COL11A1: variants seen among roughly 807,000 people sequenced by gnomAD.
The protein encoded by COL11A1 is collagen type XI alpha 1 chain.
Under a neutral mutation model 265.2 loss-of-function variants are expected in COL11A1, and 74 were observed. The ratio of observed to expected loss-of-function variants is 0.28; its 90% CI spans 0.23 to 0.34. The LOEUF (loss-of-function observed/expected upper bound fraction) is 0.34, where lower values mean the gene tolerates loss of function less well. COL11A1 is among the 10% of genes least tolerant of loss of function. COL11A1 has a pLI of 1.00. For missense variants in COL11A1, 2,165 were observed against 2,263.6 expected (o/e 0.96, Z 0.88); for synonymous variants, 816 against 727.6 (o/e 1.12, Z -1.96).
rs1479769802 is a variant in COL11A1 at position 102,982,324 on chromosome 1, T to C, written c.2556+1814A>G. ...CGGGATTTTAAATAAATTCATAAAATAAAATTCTACTCATTCATGTAATAT... is the reference window on the plus strand; with the variant it reads ...CGGGATTTTAAATAAATTCATAAAACAAAATTCTACTCATTCATGTAATAT... On this transcript the variant is annotated intron_variant, in intron 31 of 66. Transcript: ENST00000370096. Among the ~76,000 whole-genome samples the C allele has an allele frequency of 3.3e-5, 5 of 151,984 alleles. No individual in the cohort carries two copies. In the East Asian group the frequency reaches 7.7e-4, roughly 23 times the overall value.
chr1:103,079,952 T>C (rs61817085), intron 2 of COL11A1, among the ~76,000 whole-genome samples: 23,111 of 151,896 alleles, frequency 0.15, 1,885 homozygotes, highest in Non-Finnish European at 0.16. Flanking sequence ...GCAATTCTAC[T>C]TCTAAGAATG....
At chr1:102,906,855 T>A (rs566452848) in intron 54 of COL11A1, among the ~76,000 whole-genome samples, 1 of 152,118 alleles carries the variant, frequency 6.6e-6, no homozygotes, top group Non-Finnish European at 1.5e-5. Context: ...TCAGAACAAA[T>A]CATAGTTTTG....
chr1:103,047,326 C>G (rs899689002), intron 4 of COL11A1, among the ~76,000 whole-genome samples: 3 of 152,066 alleles, frequency 2.0e-5, no homozygotes, highest in African/African-American at 7.2e-5. Context: ...CCTTCACATC[C>G]CTTGTAAGTT....
chr1:102,905,235 A>T (rs1570684688), intron 54 of COL11A1, among the ~76,000 whole-genome samples: 1 of 82,578 alleles, frequency 1.2e-5, no homozygotes, highest in South Asian at 5.3e-4. Flanking sequence ...GGGTGGGGGG[A>T]GGGGGGAGGG....
intron 6 of COL11A1, 37 bp from the exon 7 acceptor site, chr1:103,025,650 A>G (rs1247576157): frequency 3.2e-6 from 5 of 1,585,056 alleles, no homozygotes; most frequent in Non-Finnish European, 4.3e-6. Flanking sequence ...GTAAACATGT[A>G]AGGTGATCCC....
intron 58 of COL11A1, 58 bp from the exon 59 acceptor site, chr1:102,889,620 T>G: frequency 8.0e-7 from 1 of 1,255,602 alleles, no homozygotes; most frequent in Non-Finnish European, 1.2e-6. Context: ...CATAAAATTT[T>G]AGTTATAAAA....
chr1:102,951,694 C>T (rs1659898673), intron 41 of COL11A1, among the ~76,000 whole-genome samples: 2 of 151,930 alleles, frequency 1.3e-5, no homozygotes, highest in African/African-American at 4.8e-5. Flanking sequence ...GAGCCGATAT[C>T]GCGCCACTGC....
At chr1:102,989,166 A>G (rs2101747838) in intron 29 of COL11A1, among the ~76,000 whole-genome samples, 1 of 152,148 alleles carries the variant, frequency 6.6e-6, no homozygotes, top group African/African-American at 2.4e-5. Flanking sequence ...TATGAACAAA[A>G]TTTAGAGCAA....
chr1:102,937,944 T>C (rs1658320306), intron 44 of COL11A1, among the ~76,000 whole-genome samples: 1 of 152,250 alleles, frequency 6.6e-6, no homozygotes, highest in Non-Finnish European at 1.5e-5. Context: ...CAATTTCTTG[T>C]CATAATTTTA....
chr1:103,105,631 A>G (rs544072327), intron 1 of COL11A1, among the ~76,000 whole-genome samples: 6 of 152,236 alleles, frequency 3.9e-5, no homozygotes, highest in African/African-American at 1.2e-4. Flanking sequence ...CTGTACCTCA[A>G]TGAAATCAAT....
At chr1:102,933,404 G>A (rs1376145225) in intron 46 of COL11A1, among the ~76,000 whole-genome samples, 7 of 149,158 alleles carry the variant, frequency 4.7e-5, no homozygotes, top group Non-Finnish European at 8.9e-5. Context: ...TAGGCTGCTC[G>A]GGGGTCAGGG....
intron 2 of COL11A1, among the ~76,000 whole-genome samples, chr1:103,080,106 G>A (rs182246028): frequency 1.5e-3 from 224 of 151,976 alleles, no homozygotes; most frequent in Admixed American, 3.5e-3. Context: ...TAATAGAATC[G>A]TATGCAGCCA....
At chr1:102,983,350 T>G (rs2101709273) in intron 31 of COL11A1, among the ~76,000 whole-genome samples, 1 of 152,180 alleles carries the variant, frequency 6.6e-6, no homozygotes, top group South Asian at 2.1e-4. Context: ...GAATGTTACC[T>G]TACTTGGAAA....
chr1:102,893,725 T>C (rs1415425207), intron 57 of COL11A1, among the ~76,000 whole-genome samples: 1 of 152,182 alleles, frequency 6.6e-6, no homozygotes, highest in Admixed American at 6.5e-5. Context: ...CTCTAGTTCA[T>C]TGAAATTTAA....
At chr1:103,043,767 A>C (rs12127590) in intron 4 of COL11A1, among the ~76,000 whole-genome samples, 26,802 of 151,940 alleles carry the variant, frequency 0.18, 2,448 homozygotes, top group Middle Eastern at 0.2. Flanking sequence ...TCTAGTTATA[A>C]TTTTTCTAAA....
intron 43 of COL11A1, among the ~76,000 whole-genome samples, chr1:102,940,062 TA>T (rs1306502608): frequency 6.6e-6 from 1 of 152,150 alleles, no homozygotes; most frequent in Non-Finnish European, 1.5e-5. Flanking sequence ...TAAAAATAAA[TA>T]AATTTTGGCA....
At chr1:102,888,052 A>T (rs940606751) in intron 62 of COL11A1, among the ~76,000 whole-genome samples, 3 of 152,204 alleles carry the variant, frequency 2.0e-5, no homozygotes, top group African/African-American at 7.2e-5. Context: ...ACTAGTATAC[A>T]TATAGTTGGA....
rs1478740175 is a variant in COL11A1 at position 102,883,287 on chromosome 1, T to G, written c.4883A>C (p.Gln1628Pro). Residue 1628 changes from glutamine (Q) to proline (P), a missense_variant, in exon 64 of 67, where the codon CAA becomes CCA. Coordinates refer to ENST00000370096, the MANE Select transcript of COL11A1 (RefSeq NM_001854.4). Reference sequence around the variant, plus strand: ...TTTGAAGGAATCTCCTGAGCAACCTTGGTTAGGATCAATCCAATATTCACC... The same window carrying G: ...TTTGAAGGAATCTCCTGAGCAACCTGGGTTAGGATCAATCCAATATTCACC... ...PDGEYWIDPNQGCSGDSFKVY... is the reference protein window; with the variant it reads ...PDGEYWIDPNPGCSGDSFKVY... 6.2e-7 allele frequency: 1 copy of G among 1,613,152 alleles called. No homozygotes were observed. Among genetic ancestry groups the G allele is most frequent in the Non-Finnish European group, 8.5e-7 (1 of 1,179,324 alleles).
At chr1:103,047,543 C>A (rs1235679817) in intron 4 of COL11A1, among the ~76,000 whole-genome samples, 4 of 152,172 alleles carry the variant, frequency 2.6e-5, no homozygotes. Context: ...ATCATGTCAT[C>A]TGCAAACAGG....
Sources: gnomAD v4.1 joint callset for allele counts (sites outside exome capture counted in the v4.1 genomes callset) on GRCh38, gnomAD v4.1.1 for gene constraint, MANE v1.5 for transcripts, NCBI Gene and HGNC (gene_info 2026-07-23, HGNC 2026-07-21) for gene names.